Variants in AKR1C8 observed in about 807,000 individuals in gnomAD.
AKR1C8 encodes aldo-keto reductase family 1 member C-like protein 1.
At chr10:5,158,541 G>C in the AKR1C8 span, 1 of 304,066 alleles carries the variant, frequency 3.3e-6, no homozygotes, top group Admixed American at 5.1e-5. Context: ...GCTTTAATAG[G>C]AGTTTTTCAG....
the AKR1C8 span, among the ~76,000 whole-genome samples, chr10:5,172,780 T>C: frequency 6.6e-6 from 1 of 152,120 alleles, no homozygotes; most frequent in Admixed American, 6.6e-5. Flanking sequence ...CTTAAAAATA[T>C]TTAAGTGCTT....
the AKR1C8 span, among the ~76,000 whole-genome samples, chr10:5,124,060 A>G: frequency 6.6e-6 from 1 of 152,166 alleles, no homozygotes; most frequent in African/African-American, 2.4e-5. Context: ...CAGATCCAGT[A>G]TCTAACTACC....
chr10:5,130,413 A>C, the AKR1C8 span, among the ~76,000 whole-genome samples: 2 of 151,936 alleles, frequency 1.3e-5, no homozygotes, highest in Non-Finnish European at 1.5e-5. Context: ...TTAATCCTGG[A>C]GGTCCTAGCC....
At chr10:5,145,417 A>T in the AKR1C8 span, among the ~76,000 whole-genome samples, 2 of 152,134 alleles carry the variant, frequency 1.3e-5, no homozygotes, top group Non-Finnish European at 2.9e-5. Context: ...GCAACCTACA[A>T]AATGGGAGAA....
the AKR1C8 span, chr10:5,154,048 A>T: frequency 1.7e-5 from 6 of 353,350 alleles, no homozygotes; most frequent in Admixed American, 2.0e-4. Flanking sequence ...GCAACTACAG[A>T]TCCTACTTCC....
chr10:5,132,449 C>T, the AKR1C8 span, among the ~76,000 whole-genome samples: 2 of 152,194 alleles, frequency 1.3e-5, no homozygotes, highest in Middle Eastern at 3.4e-3. Flanking sequence ...CATCATTTGC[C>T]GCCTTTTATT....
At chr10:5,152,367 C>G in the AKR1C8 span, among the ~76,000 whole-genome samples, 1 of 152,140 alleles carries the variant, frequency 6.6e-6, no homozygotes. Flanking sequence ...AAAATGGACA[C>G]AATTTTTTAA....
At chr10:5,150,926 T>A in the AKR1C8 span, among the ~76,000 whole-genome samples, 1 of 152,264 alleles carries the variant, frequency 6.6e-6, no homozygotes, top group African/African-American at 2.4e-5. Flanking sequence ...GTTCCAGGTA[T>A]ATAGAAGAAC....
At chr10:5,163,269 C>A in the AKR1C8 span, among the ~76,000 whole-genome samples, 39 of 152,232 alleles carry the variant, frequency 2.6e-4, no homozygotes, top group African/African-American at 9.2e-4. Context: ...CCATATCAAT[C>A]AACTGTAGAA....
chr10:5,149,332 A>G, the AKR1C8 span, among the ~76,000 whole-genome samples: 2 of 152,098 alleles, frequency 1.3e-5, no homozygotes, highest in East Asian at 3.9e-4. Flanking sequence ...TTTGCAAAAT[A>G]TGTCATAGTC....
chr10:5,173,277 A>T, the AKR1C8 span, among the ~76,000 whole-genome samples: 79,938 of 151,954 alleles, frequency 0.53, 22,030 homozygotes, highest in Non-Finnish European at 0.6. Context: ...AATATACTTA[A>T]AACTTTGATC....
At chr10:5,145,739 C>T in the AKR1C8 span, among the ~76,000 whole-genome samples, 1 of 152,170 alleles carries the variant, frequency 6.6e-6, no homozygotes, top group African/African-American at 2.4e-5. Context: ...AACACTTTTA[C>T]ACTATTGGTG....
chr10:5,138,616 G>A, the AKR1C8 span, among the ~76,000 whole-genome samples: 1 of 152,106 alleles, frequency 6.6e-6, no homozygotes, highest in East Asian at 1.9e-4. Flanking sequence ...AGGATTAAGA[G>A]ATTAAAGTAA....
chr10:5,170,821 GATTCTT>G, the AKR1C8 span, among the ~76,000 whole-genome samples: 2 of 152,244 alleles, frequency 1.3e-5, no homozygotes, highest in South Asian at 4.1e-4. Flanking sequence ...AACAAAAACA[GATTCTT>G]ATTGCACTTA....
the AKR1C8 span, among the ~76,000 whole-genome samples, chr10:5,180,718 C>T: frequency 1.2e-4 from 19 of 152,208 alleles, no homozygotes; most frequent in Non-Finnish European, 2.2e-4. Flanking sequence ...GCCTGGCTGT[C>T]GCCTTGCAGT....
the AKR1C8 span, among the ~76,000 whole-genome samples, chr10:5,136,734 A>AT: frequency 6.6e-6 from 1 of 152,220 alleles, no homozygotes; most frequent in Non-Finnish European, 1.5e-5. Flanking sequence ...ATGCAACTAT[A>AT]TGTTCTGAAT....
chr10:5,181,941 A>G, the AKR1C8 span, among the ~76,000 whole-genome samples: 1 of 152,214 alleles, frequency 6.6e-6, no homozygotes, highest in Non-Finnish European at 1.5e-5. Flanking sequence ...ACTCACAAAA[A>G]ACTAAAATGT....
At chr10:5,159,864 C>T in the AKR1C8 span, 11 of 503,732 alleles carry the variant, frequency 2.2e-5, no homozygotes, top group Middle Eastern at 5.0e-4. Context: ...GAGAAGGTCC[C>T]GGTGGGCTAA....
At chr10:5,182,028 TA>T in the AKR1C8 span, among the ~76,000 whole-genome samples, 46 of 152,306 alleles carry the variant, frequency 3.0e-4, no homozygotes, top group African/African-American at 1.1e-3. Context: ...AACTTTTCAC[TA>T]AAAAATTACT....
Sources: gnomAD v4.1 joint callset for allele counts (sites outside exome capture counted in the v4.1 genomes callset) on GRCh38, gnomAD v4.1.1 for gene constraint, MANE v1.5 for transcripts, NCBI Gene and HGNC (gene_info 2026-07-23, HGNC 2026-07-21) for gene names.